Variants in ADCY10 observed in about 807,000 individuals in gnomAD.
The protein encoded by ADCY10 is adenylate cyclase type 10.
ADCY10 carries 156 observed loss-of-function variants against 183.3 expected under a neutral mutation model. That is an observed-to-expected ratio of 0.85 (90% CI 0.75 to 0.97). The LOEUF is 0.97. Among genes scored for constraint, ADCY10 ranks in the 50% least tolerant of loss-of-function variants. The pLI, the probability that ADCY10 is intolerant of heterozygous loss-of-function variation, is 0.00. For synonymous variants in ADCY10, 645 were observed against 670.0 expected, an observed-to-expected ratio of 0.96 and a Z score of 0.58; for missense variants, 1,745 against 1,934.3, an observed-to-expected ratio of 0.90 and a Z score of 1.84.
chr1:167,879,432 T>C (rs1667720778), intron 11 of ADCY10, among the ~76,000 whole-genome samples: 1 of 152,174 alleles, frequency 6.6e-6, no homozygotes, highest in Non-Finnish European at 1.5e-5. Context: ...TTTTGAAAAC[T>C]ATTTATTGTG....
chr1:167,911,599 A>G (rs1246647089), intron 1 of ADCY10, among the ~76,000 whole-genome samples: 1 of 152,252 alleles, frequency 6.6e-6, no homozygotes, highest in African/African-American at 2.4e-5. Context: ...TGTTCCGGCC[A>G]ATGGGCAGTA....
chr1:167,836,633 T>A, intron 22 of ADCY10, 93 bp from the exon 23 acceptor site: 2 of 908,718 alleles, frequency 2.2e-6, no homozygotes, highest in Non-Finnish European at 1.8e-6. Context: ...CTCACGCCTG[T>A]AATTCCAGCA....
intron 26 of ADCY10, among the ~76,000 whole-genome samples, chr1:167,828,175 G>C (rs934456692): frequency 2.6e-5 from 4 of 152,182 alleles, no homozygotes; most frequent in African/African-American, 7.2e-5. Context: ...ATTAATATAA[G>C]TGATATGATT....
chr1:167,912,297 A>G (rs1670194744), intron 1 of ADCY10, among the ~76,000 whole-genome samples: 1 of 152,216 alleles, frequency 6.6e-6, no homozygotes, highest in Non-Finnish European at 1.5e-5. Flanking sequence ...TCTTAGAGCC[A>G]GGCCGGCAAC....
At position 167,899,591 on chromosome 1, in the gene ADCY10, T is replaced by G; in HGVS notation, c.474A>C (p.Gly158=). The part of the protein sequence containing the change: ...AAGHISMLVF[G]DETHSHFLVI... ...CCAGAAAGTGGCTGTGTGTTTCATC[T>G]CCAAAGACCAACATGCTGATGTGGC... The change falls in exon 6 of 33, where the codon GGA becomes GGC. Residue 158 remains glycine, a synonymous_variant. Coordinates refer to ENST00000367851, the MANE Select transcript of ADCY10 (RefSeq NM_018417.6). 6.2e-7 allele frequency: 1 copy of G among 1,614,108 alleles called. No individual in the cohort carries two copies. Among genetic ancestry groups the G allele is most frequent in the Non-Finnish European group, 8.5e-7 (1 of 1,180,032 alleles).
chr1:167,833,467 C>T (rs892888074), intron 24 of ADCY10, among the ~76,000 whole-genome samples: 26 of 152,242 alleles, frequency 1.7e-4, no homozygotes, highest in Non-Finnish European at 2.4e-4. Flanking sequence ...CAACCTGGGC[C>T]GGGCACGGTG....
At chr1:167,812,167 G>GC (rs1662258411) in intron 31 of ADCY10, among the ~76,000 whole-genome samples, 1 of 152,194 alleles carries the variant, frequency 6.6e-6, no homozygotes, top group South Asian at 2.1e-4. Context: ...ACCAATTGCT[G>GC]CTTCTGATGG....
At chr1:167,877,835 A>C (rs1458887804) in intron 12 of ADCY10, among the ~76,000 whole-genome samples, 1 of 152,180 alleles carries the variant, frequency 6.6e-6, no homozygotes, top group African/African-American at 2.4e-5. Flanking sequence ...GACCAGGATT[A>C]GGTGGGTGCT....
At chr1:167,911,000 A>C (rs1280302727) in intron 1 of ADCY10, among the ~76,000 whole-genome samples, 3 of 152,022 alleles carry the variant, frequency 2.0e-5, no homozygotes, top group Admixed American at 6.6e-5. Flanking sequence ...GCAATACCAC[A>C]CTCTCCTCAC....
At chr1:167,856,032 A>T (rs1665864045) in intron 17 of ADCY10, 133 bp downstream of exon 17, 9 of 1,044,782 alleles carry the variant, frequency 8.6e-6, no homozygotes, top group South Asian at 6.2e-5. Context: ...GAAAAGAAAA[A>T]TTTTTTAAAA....
At chr1:167,909,988 A>G (rs1670048218) in intron 1 of ADCY10, among the ~76,000 whole-genome samples, 1 of 152,144 alleles carries the variant, frequency 6.6e-6, no homozygotes, top group Non-Finnish European at 1.5e-5. Flanking sequence ...CACATGTGCT[A>G]TCTACAGATC....
chr1:167,832,975 T>A lies in ADCY10; in HGVS notation c.3593+12A>T. ...GACTAAACAGTCTGCTCTCCCCAGC[T>A]CCTTCCCTTACCCTGGAGGTGGGCT... On this transcript the variant is annotated intron_variant, in intron 25 of 32. Coordinates refer to ENST00000367851, the MANE Select transcript of ADCY10 (RefSeq NM_018417.6). 6.2e-7 allele frequency: 1 copy of A among 1,613,238 alleles called. No individual in the cohort carries two copies. Among genetic ancestry groups the A allele is most frequent in the Non-Finnish European group, 8.5e-7 (1 of 1,179,726 alleles).
chr1:167,861,754 T>A (rs1231382393), intron 14 of ADCY10, among the ~76,000 whole-genome samples: 1 of 152,232 alleles, frequency 6.6e-6, no homozygotes, highest in African/African-American at 2.4e-5. Flanking sequence ...ATGGTTTGGC[T>A]CTGTGTCCTC....
intron 8 of ADCY10, among the ~76,000 whole-genome samples, chr1:167,887,336 C>T (rs1261182710): frequency 6.6e-6 from 1 of 152,162 alleles, no homozygotes; most frequent in African/African-American, 2.4e-5. Flanking sequence ...GAAAATGTGG[C>T]ATGTATACAC....
intron 14 of ADCY10, among the ~76,000 whole-genome samples, chr1:167,864,374 G>C (rs145317795): frequency 2.6e-4 from 39 of 152,298 alleles, no homozygotes; most frequent in African/African-American, 8.9e-4. Flanking sequence ...GTGTAAAATA[G>C]ACTGGCCAAC....
rs941676273 is a variant in ADCY10 at position 167,856,505 on chromosome 1, G to A, written c.1897-66C>T. On this transcript the variant is annotated intron_variant, in intron 16 of 32. Coordinates refer to ENST00000367851, the MANE Select transcript of ADCY10 (RefSeq NM_018417.6). ...CGTCAGGTTTTTTTACACATGTATG[G>A]GTATGCATATGTATCCATTGAGCTT... is the stretch of plus-strand genomic sequence containing the variant. The A allele has an allele frequency of 6.6e-6, 10 of 1,509,632 alleles. No individual in the cohort carries two copies. In the African/African-American group the frequency reaches 1.1e-4, roughly 17 times the overall value. The allele number at this position is 1,509,632 out of a possible 1,614,324, so 93.5% of individuals were successfully genotyped here.
At chr1:167,857,909 C>T (rs1290298303) in intron 16 of ADCY10, among the ~76,000 whole-genome samples, 3 of 152,146 alleles carry the variant, frequency 2.0e-5, no homozygotes, top group Non-Finnish European at 4.4e-5. Context: ...AAGCAAACAA[C>T]TAAACAGGTT....
chr1:167,831,443 C>G (rs1005831581), intron 25 of ADCY10, among the ~76,000 whole-genome samples: 2 of 152,234 alleles, frequency 1.3e-5, no homozygotes, highest in African/African-American at 4.8e-5. Context: ...ATCCGCCCCC[C>G]TCAGCCTCCC....
At chr1:167,827,294 A>C (rs887733843) in intron 26 of ADCY10, among the ~76,000 whole-genome samples, 1 of 149,290 alleles carries the variant, frequency 6.7e-6, no homozygotes, top group East Asian at 2.0e-4. Flanking sequence ...CAGCCTCCCG[A>C]GTAGCTGGGA....
Sources: gnomAD v4.1 joint callset for allele counts (sites outside exome capture counted in the v4.1 genomes callset) on GRCh38, gnomAD v4.1.1 for gene constraint, MANE v1.5 for transcripts, NCBI Gene and HGNC (gene_info 2026-07-23, HGNC 2026-07-21) for gene names.